The following SLC1A3 variants were observed in gnomAD, a reference collection of about 807,000 sequenced individuals.
SLC1A3 encodes solute carrier family 1 member 3.
In SLC1A3, 21 loss-of-function variants were observed where a neutral mutation model predicts 48.1. The ratio of observed to expected loss-of-function variants is 0.44; its 90% CI spans 0.31 to 0.63. The LOEUF (loss-of-function observed/expected upper bound fraction) is 0.63. SLC1A3 is among the 20% of genes least tolerant of loss of function. The pLI is 0.08. For missense variants in SLC1A3, 546 were observed against 689.0 expected (o/e 0.79, Z 2.32); for synonymous variants, 239 against 251.4 (o/e 0.95, Z 0.47).
chr5:36,674,405 CCAAA>C lies in SLC1A3; in HGVS notation c.567+321_567+324del, dbSNP rs775118624. Among the ~76,000 whole-genome samples, 10 of 152,190 alleles carry C rather than the reference CCAAA, an allele frequency of 6.6e-5. No homozygotes were observed. In the East Asian group the frequency reaches 1.5e-3, roughly 23 times the overall value. On this transcript the variant is annotated intron_variant, in intron 5 of 9. Coordinates refer to ENST00000265113, the MANE Select transcript of SLC1A3 (RefSeq NM_004172.5). Reference sequence around the variant, plus strand: ...CTCCCCACTGGCAAAAGCCCACCAACCAAACAAACACCAATATAAAATATATTTA... The same window carrying C: ...CTCCCCACTGGCAAAAGCCCACCAACCAAACACCAATATAAAATATATTTA...
At chr5:36,644,360 T>C (rs891087220) in intron 3 of SLC1A3, among the ~76,000 whole-genome samples, 2 of 152,212 alleles carry the variant, frequency 1.3e-5, no homozygotes, top group African/African-American at 4.8e-5. Flanking sequence ...GTTAAGTCTT[T>C]GGCTACACTA....
chr5:36,636,550 C>CTTTCT, intron 3 of SLC1A3, among the ~76,000 whole-genome samples: 1 of 134,710 alleles, frequency 7.4e-6, no homozygotes, highest in African/African-American at 2.8e-5. Flanking sequence ...TCTCTCTTTC[C>CTTTCT]TTTCTTTCTT....
At chr5:36,676,370 A>G (rs138735161) in intron 5 of SLC1A3, among the ~76,000 whole-genome samples, 201 of 152,330 alleles carry the variant, frequency 1.3e-3, no homozygotes, top group African/African-American at 4.7e-3. Context: ...TATCACAACA[A>G]CACTGTGAGG....
intron 3 of SLC1A3, among the ~76,000 whole-genome samples, chr5:36,658,187 G>GGGCT (rs760136139): frequency 6.6e-5 from 10 of 152,174 alleles, no homozygotes; most frequent in Non-Finnish European, 1.0e-4. Flanking sequence ...GGGAATTCAG[G>GGGCT]GGCTGGGCTA....
At chr5:36,614,421 G>C (rs1160287763) in intron 2 of SLC1A3, among the ~76,000 whole-genome samples, 2 of 152,176 alleles carry the variant, frequency 1.3e-5, no homozygotes, top group African/African-American at 4.8e-5. Context: ...AGAGAGCCAA[G>C]AGAGTTGTAG....
At chr5:36,675,354 G>A (rs1289029134) in intron 5 of SLC1A3, among the ~76,000 whole-genome samples, 2 of 152,086 alleles carry the variant, frequency 1.3e-5, no homozygotes, top group African/African-American at 4.8e-5. Flanking sequence ...GCCAACTCTA[G>A]CACCATGGGG....
At chr5:36,670,569 C>T (rs1272519486) in intron 3 of SLC1A3, among the ~76,000 whole-genome samples, 1 of 152,146 alleles carries the variant, frequency 6.6e-6, no homozygotes, top group Non-Finnish European at 1.5e-5. Context: ...GGCAGTTAAT[C>T]TGTGTGTGAA....
intron 3 of SLC1A3, among the ~76,000 whole-genome samples, chr5:36,654,503 A>G (rs1741211980): frequency 6.6e-6 from 1 of 152,112 alleles, no homozygotes; most frequent in African/African-American, 2.4e-5. Context: ...CTAAGACTGG[A>G]TGCTGATAAC....
intron 2 of SLC1A3, among the ~76,000 whole-genome samples, chr5:36,624,083 T>C (rs1417777022): frequency 2.0e-5 from 3 of 152,144 alleles, no homozygotes; most frequent in Non-Finnish European, 4.4e-5. Flanking sequence ...TTGATGCTGA[T>C]AGCTGGCCGA....
At chr5:36,649,732 G>T (rs533144816) in intron 3 of SLC1A3, among the ~76,000 whole-genome samples, 3 of 152,316 alleles carry the variant, frequency 2.0e-5, no homozygotes, top group Non-Finnish European at 2.9e-5. Context: ...GGGATAAAAA[G>T]TCATTCTTCT....
chr5:36,609,931 T>C (rs1171147323), intron 2 of SLC1A3, among the ~76,000 whole-genome samples: 2 of 152,226 alleles, frequency 1.3e-5, no homozygotes, highest in African/African-American at 2.4e-5. Flanking sequence ...AAGCAATAGC[T>C]GCATAATAAT....
chr5:36,668,219 A>T (rs1197687826), intron 3 of SLC1A3: 2 of 152,248 alleles, frequency 1.3e-5, no homozygotes, highest in East Asian at 3.8e-4. Context: ...TGGTGTAAAA[A>T]GGTTCGTCTC....
At chr5:36,660,441 T>G (rs1000366362) in intron 3 of SLC1A3, among the ~76,000 whole-genome samples, 1 of 152,172 alleles carries the variant, frequency 6.6e-6, no homozygotes, top group Non-Finnish European at 1.5e-5. Context: ...AAGTAGAATG[T>G]GCAGAAACAA....
chr5:36,630,927 C>A (rs1238738492), intron 3 of SLC1A3, among the ~76,000 whole-genome samples: 2 of 152,198 alleles, frequency 1.3e-5, no homozygotes, highest in African/African-American at 4.8e-5. Flanking sequence ...GGGGTAATCA[C>A]AGCAGCTACA....
chr5:36,643,545 T>C (rs1224278555), intron 3 of SLC1A3, among the ~76,000 whole-genome samples: 5 of 152,300 alleles, frequency 3.3e-5, no homozygotes, highest in African/African-American at 4.8e-5. Flanking sequence ...TCGTTCTTTA[T>C]ATATTAAACT....
chr5:36,634,772 C>A (rs1413395333), intron 3 of SLC1A3, among the ~76,000 whole-genome samples: 2 of 152,194 alleles, frequency 1.3e-5, no homozygotes, highest in Non-Finnish European at 2.9e-5. Flanking sequence ...TATAGACCAA[C>A]AACTTCAGTC....
At chr5:36,681,829 A>C (rs1318418282) in intron 8 of SLC1A3, among the ~76,000 whole-genome samples, 1 of 152,006 alleles carries the variant, frequency 6.6e-6, no homozygotes, top group Non-Finnish European at 1.5e-5. Context: ...GTTTTTTTTA[A>C]ATTGTTATTA....
intron 3 of SLC1A3, among the ~76,000 whole-genome samples, chr5:36,631,456 A>G (rs1038805735): frequency 1.3e-5 from 2 of 152,234 alleles, no homozygotes; most frequent in Non-Finnish European, 2.9e-5. Context: ...ATCCCTTTGC[A>G]TGGCTAAAGA....
chr5:36,678,338 C>T (rs897759313), intron 6 of SLC1A3, among the ~76,000 whole-genome samples: 1 of 152,180 alleles, frequency 6.6e-6, no homozygotes, highest in African/African-American at 2.4e-5. Flanking sequence ...TCCTTTGAAA[C>T]CCTGGCAGGA....
Sources: gnomAD v4.1 joint callset for allele counts (sites outside exome capture counted in the v4.1 genomes callset) on GRCh38, gnomAD v4.1.1 for gene constraint, MANE v1.5 for transcripts, NCBI Gene and HGNC (gene_info 2026-07-23, HGNC 2026-07-21) for gene names.